The following PRKCE variants were observed in gnomAD, a reference collection of about 807,000 sequenced individuals.
PRKCE encodes protein kinase C epsilon type.
A neutral mutation model predicts 85.4 loss-of-function variants in PRKCE; 16 were observed. The ratio of observed to expected loss-of-function variants is 0.19; its 90% CI spans 0.13 to 0.28. The LOEUF (loss-of-function observed/expected upper bound fraction) is 0.28. PRKCE is among the 10% of genes least tolerant of loss of function. The pLI is 1.00. For synonymous variants in PRKCE, 388 were observed against 371.5 expected (o/e 1.04, Z -0.51); for missense variants, 573 against 975.2 (o/e 0.59, Z 5.49).
At chr2:45,880,910 T>A (rs2105809211) in intron 2 of PRKCE, among the ~76,000 whole-genome samples, 1 of 152,032 alleles carries the variant, frequency 6.6e-6, no homozygotes, top group South Asian at 2.1e-4. Flanking sequence ...TCCCAGCACT[T>A]TGGGAGGCCG....
At chr2:45,847,975 C>G (rs975237617) in intron 2 of PRKCE, among the ~76,000 whole-genome samples, 3 of 152,182 alleles carry the variant, frequency 2.0e-5, no homozygotes, top group African/African-American at 7.2e-5. Context: ...AGACCTGACT[C>G]AAATCCCAGC....
At chr2:45,653,370 G>GTTTTTTTTT (rs34888247) in intron 1 of PRKCE, among the ~76,000 whole-genome samples, 852 of 61,442 alleles carry the variant, frequency 0.014, 85 homozygotes, top group Middle Eastern at 0.062. Context: ...TTTTTGGGTT[G>GTTTTTTTTT]TTTTTTTTTT....
intron 14 of PRKCE, among the ~76,000 whole-genome samples, chr2:46,160,676 C>G (rs999398409): frequency 6.6e-6 from 1 of 152,202 alleles, no homozygotes; most frequent in Non-Finnish European, 1.5e-5. Flanking sequence ...TGCCATCAGG[C>G]AGTCAGCCCT....
chr2:45,926,161 A>C lies in PRKCE; in HGVS notation c.413-50268A>C, dbSNP rs1023662962. Among the ~76,000 whole-genome samples the C allele has an allele frequency of 2.6e-5, 4 of 152,248 alleles. No individual in the cohort carries two copies. In the East Asian group the frequency reaches 7.7e-4, roughly 29 times the overall value. On this transcript the variant is annotated intron_variant, in intron 2 of 14. Coordinates refer to ENST00000306156, the MANE Select transcript of PRKCE (RefSeq NM_005400.3). Reference sequence around the variant, plus strand: ...TTGAGAAATGACAAAGTTGGCAAGCATGAATTTTCGGCCTGCTGCTCAGCG... The same window carrying C: ...TTGAGAAATGACAAAGTTGGCAAGCCTGAATTTTCGGCCTGCTGCTCAGCG...
In PRKCE at chr2:45,744,548, T is replaced by TCC. The variant is rs1470665888; in HGVS notation, c.348+92100_348+92101insCC. ...TCTTTTTCTTTCCTTCTTTCTTTCT[T>TCC]TCTTCCTTCCTTCCTTCCTTCCTTC... On this transcript the variant is annotated intron_variant, in intron 1 of 14. Coordinates refer to ENST00000306156, the MANE Select transcript of PRKCE (RefSeq NM_005400.3). 1.1e-3 allele frequency among the ~76,000 whole-genome samples: 92 copies of TCC among 87,072 alleles called. 8 individuals carry two copies. Among genetic ancestry groups the TCC allele is most frequent in the African/African-American group, 3.7e-3 (82 of 21,908 alleles). 57.1% of individuals were successfully genotyped at this position (87,072 alleles called of 152,430 possible). A position where few individuals can be genotyped will look rare whatever the true frequency, so the allele number is the denominator to read the frequency against.
intron 1 of PRKCE, among the ~76,000 whole-genome samples, chr2:45,712,577 A>C (rs1679757252): frequency 6.6e-6 from 1 of 152,140 alleles, no homozygotes. Context: ...AGGCCCATGA[A>C]GCTCTGGACC....
intron 1 of PRKCE, among the ~76,000 whole-genome samples, chr2:45,701,031 A>G (rs1240170896): frequency 6.6e-6 from 1 of 152,206 alleles, no homozygotes; most frequent in Non-Finnish European, 1.5e-5. Context: ...ACTTGGAAGG[A>G]AGGCATTTCC....
At chr2:45,858,217 C>T (rs969492013) in intron 2 of PRKCE, among the ~76,000 whole-genome samples, 1 of 152,158 alleles carries the variant, frequency 6.6e-6, no homozygotes, top group Non-Finnish European at 1.5e-5. Context: ...CACTACCAGG[C>T]CAACTAGAAA....
chr2:45,694,585 T>C (rs766715295), intron 1 of PRKCE, among the ~76,000 whole-genome samples: 3 of 152,190 alleles, frequency 2.0e-5, no homozygotes, highest in Non-Finnish European at 4.4e-5. Context: ...GGGAAATGCA[T>C]ATGAATGAGT....
At chr2:45,791,359 G>A (rs914050617) in intron 1 of PRKCE, among the ~76,000 whole-genome samples, 1 of 152,210 alleles carries the variant, frequency 6.6e-6, no homozygotes, top group Non-Finnish European at 1.5e-5. Flanking sequence ...GCTATAGTGA[G>A]CACGTGGGGG....
chr2:45,938,054 C>G (rs1018229710), intron 2 of PRKCE, among the ~76,000 whole-genome samples: 1 of 152,204 alleles, frequency 6.6e-6, no homozygotes. Context: ...GACCCTTCCC[C>G]TTCGGCCTCT....
intron 1 of PRKCE, among the ~76,000 whole-genome samples, chr2:45,780,595 C>T (rs1474591255): frequency 6.6e-6 from 1 of 152,226 alleles, no homozygotes; most frequent in Non-Finnish European, 1.5e-5. Context: ...TTTCACTTGT[C>T]TTTCGAGGCA....
chr2:46,072,699 G>A (rs1042336267), intron 10 of PRKCE, among the ~76,000 whole-genome samples: 1 of 152,176 alleles, frequency 6.6e-6, no homozygotes, highest in Non-Finnish European at 1.5e-5. Flanking sequence ...ATGGTGTTAG[G>A]CATTGTAGAG....
At chr2:46,086,072 G>A in intron 10 of PRKCE, 136 bp from the exon 11 acceptor site, 3 of 830,464 alleles carry the variant, frequency 3.6e-6, no homozygotes, top group Admixed American at 2.3e-5. Flanking sequence ...TGGATCAGGT[G>A]CTACCAGGAT....
intron 10 of PRKCE, among the ~76,000 whole-genome samples, chr2:46,021,902 G>C (rs1304014155): frequency 1.3e-5 from 2 of 152,140 alleles, no homozygotes; most frequent in East Asian, 3.9e-4. Flanking sequence ...TTTCTACAGG[G>C]AAAGTCATCT....
rs71394871 is a variant in PRKCE at position 46,062,668 on chromosome 2, C to CTTTTTTTTTT, written c.1438-23524_1438-23515dup. Among the ~76,000 whole-genome samples, 127 of 73,298 alleles carry CTTTTTTTTTT rather than the reference C, an allele frequency of 1.7e-3. 4 individuals are homozygous for CTTTTTTTTTT. Among genetic ancestry groups the CTTTTTTTTTT allele is most frequent in the Middle Eastern group, 0.015 (1 of 68 alleles). 48.1% of individuals were successfully genotyped at this position (73,298 alleles called of 152,430 possible). On this transcript the variant is annotated intron_variant, in intron 10 of 14. Coordinates refer to ENST00000306156, the MANE Select transcript of PRKCE (RefSeq NM_005400.3). ...GAGTTGAAGGGTATAAAAGCTCAGC[C>CTTTTTTTTTT]TTTTTTTTTTTTTTTTTTTTTTTTT...
chr2:45,703,758 G>T (rs923190435), intron 1 of PRKCE, among the ~76,000 whole-genome samples: 1 of 152,080 alleles, frequency 6.6e-6, no homozygotes, highest in African/African-American at 2.4e-5. Flanking sequence ...TTTTGTTTTG[G>T]TTTTTAAAAG....
At chr2:46,180,659 C>G (rs113604574) in intron 14 of PRKCE, among the ~76,000 whole-genome samples, 6,669 of 152,278 alleles carry the variant, frequency 0.044, 473 homozygotes, top group African/African-American at 0.15. Context: ...GATTTGAAGG[C>G]ATGATGGGAG....
chr2:45,853,134 C>A (rs889451377), intron 2 of PRKCE, among the ~76,000 whole-genome samples: 1 of 152,164 alleles, frequency 6.6e-6, no homozygotes, highest in East Asian at 1.9e-4. Flanking sequence ...GCCTTTGAAT[C>A]CTTTTCTGTT....
Sources: gnomAD v4.1 joint callset for allele counts (sites outside exome capture counted in the v4.1 genomes callset) on GRCh38, gnomAD v4.1.1 for gene constraint, MANE v1.5 for transcripts, NCBI Gene and HGNC (gene_info 2026-07-23, HGNC 2026-07-21) for gene names.